Variants in MAST3 observed in about 807,000 individuals in gnomAD.
MAST3 encodes microtubule associated serine/threonine kinase 3.
MAST3 carries 43 observed loss-of-function variants against 127.0 expected under a neutral mutation model. The ratio of observed to expected loss-of-function variants is 0.34; its 90% CI spans 0.27 to 0.44. MAST3 has a LOEUF of 0.44. Ranked by LOEUF, MAST3 falls within the 20% of genes least tolerant of loss-of-function variation. MAST3 has a pLI of 1.00. For synonymous variants in MAST3, 785 were observed against 809.2 expected (o/e 0.97, Z 0.51); for missense variants, 1,390 against 1,919.1 (o/e 0.72, Z 5.15).
chr19:18,130,429 T>G lies in MAST3; in HGVS notation c.1224-65T>G, dbSNP rs545358810. On this transcript the variant is annotated intron_variant, in intron 13 of 27. Transcript: ENST00000687212. ...AGGCAGGTTGGGATCTGGGCTCAAGTTGAGCTGTAGTGCCTGCTGGGGCCT... is the reference window on the plus strand; with the variant it reads ...AGGCAGGTTGGGATCTGGGCTCAAGGTGAGCTGTAGTGCCTGCTGGGGCCT... 4 of 1,436,338 alleles carry G rather than the reference T, an allele frequency of 2.8e-6. No individual in the cohort carries two copies. The East Asian group carries it at 7.4e-5, about 27-fold the overall frequency. The allele number at this position is 1,436,338 out of a possible 1,614,324, so 89.0% of individuals were successfully genotyped here.
intron 2 of MAST3, among the ~76,000 whole-genome samples, chr19:18,109,651 G>A (rs1435268409): frequency 6.6e-6 from 1 of 152,188 alleles, no homozygotes; most frequent in East Asian, 1.9e-4. Context: ...TGGGGGTGCA[G>A]GTACAGCTTG....
Position 18,121,876 on chromosome 19 carries a change from C to G in MAST3, c.274C>G (p.Arg92Gly). ...PTGSSPLDSP[R>G]NFSAASALNF... is the part of the protein sequence containing the mutation. ...AGGCAGCAGCCCCTTGGATAGTCCTCGGAATTTCTCGGCTGCCTCTGCCCT... is the reference window on the plus strand; with the variant it reads ...AGGCAGCAGCCCCTTGGATAGTCCTGGGAATTTCTCGGCTGCCTCTGCCCT... The change falls in exon 5 of 28, where the codon CGG (arginine) becomes GGG (glycine). Residue 92 changes from arginine to glycine, a missense_variant. Physicochemically the swap from Arg to Gly is moderately radical, Grantham distance 125 (BLOSUM62 -2). Coordinates refer to ENST00000687212, the MANE Select transcript of MAST3 (RefSeq NM_001393504.1). 6.2e-7 allele frequency: 1 copy of G among 1,614,014 alleles called. No individual in the cohort carries two copies. The highest frequency in any genetic ancestry group is 8.5e-7 in the Non-Finnish European group (1 of 1,179,892).
At chr19:18,120,606 A>G (rs550142341) in intron 3 of MAST3, among the ~76,000 whole-genome samples, 3 of 152,306 alleles carry the variant, frequency 2.0e-5, no homozygotes, top group Non-Finnish European at 2.9e-5. Flanking sequence ...GCACTATCTC[A>G]GCCCACTGCA....
At position 18,147,488 on chromosome 19, in the gene MAST3, G is replaced by A. The variant is rs755820936; in HGVS notation, c.3372G>A (p.Leu1124=). 3.1e-6 allele frequency: 5 copies of A among 1,613,044 alleles called. No individual in the cohort carries two copies. The highest frequency in any genetic ancestry group is 3.4e-6 in the Non-Finnish European group (4 of 1,179,580). ...AGATCTCCAAGCAGACCTCCGTGCTGCACACCAGCCGCAGCTTCTCCTCCG... is the reference window on the plus strand; with the variant it reads ...AGATCTCCAAGCAGACCTCCGTGCTACACACCAGCCGCAGCTTCTCCTCCG... The part of the protein sequence containing the change: ...FKKISKQTSV[L]HTSRSFSSGL... Residue 1124 remains leucine, a synonymous_variant, in exon 27 of 28, where the codon CTG becomes CTA. Transcript: ENST00000687212.
Position 18,112,117 on chromosome 19 carries a change from T to C in MAST3, c.161+1376T>C, listed in dbSNP as rs995610525. Among the ~76,000 whole-genome samples, 2 of 152,182 alleles carry C rather than the reference T, an allele frequency of 1.3e-5. No homozygotes were observed. The highest frequency in any genetic ancestry group is 1.5e-5 in the Non-Finnish European group (1 of 68,034). On this transcript the variant is annotated intron_variant, in intron 3 of 27. Coordinates refer to ENST00000687212, the MANE Select transcript of MAST3 (RefSeq NM_001393504.1). The surrounding 1 kb of genome is among the most constrained non-coding windows in gnomAD (Gnocchi z 4.1). ...CTAAAGAAAGATTGGCACCAGGCAG[T>C]GGGTACTGCATGTGCAAAGGTCCTG... is the stretch of plus-strand genomic sequence containing the variant.
At chr19:18,140,145 C>T (rs901729376) in intron 20 of MAST3, among the ~76,000 whole-genome samples, 16 of 152,088 alleles carry the variant, frequency 1.1e-4, no homozygotes, top group African/African-American at 3.1e-4. Context: ...AGGCAATTTC[C>T]GAGGCAGGCG....
rs1018617836 is a variant in MAST3 at position 18,147,369 on chromosome 19, C to T, written c.3327-74C>T. ...CCATCTGCCTCGGCCTCTGAAAGTG[C>T]TGGGATTACAGGTGTGAGCCACCAT... On this transcript the variant is annotated intron_variant, in intron 26 of 27. Transcript: ENST00000687212. The T allele has an allele frequency of 3.6e-6, 5 of 1,379,684 alleles. No homozygotes were observed. In the African/African-American group the frequency reaches 7.1e-5, roughly 20 times the overall value. The allele number at this position is 1,379,684 out of a possible 1,614,324, so 85.5% of individuals were successfully genotyped here. A position where few individuals can be genotyped will look rare whatever the true frequency, so the allele number is the denominator to read the frequency against.
intron 1 of MAST3, chr19:18,098,799 G>T (rs967117227): frequency 2.2e-5 from 10 of 456,530 alleles, no homozygotes; most frequent in Non-Finnish European, 4.0e-5. Context: ...TGGCTCTGGA[G>T]AGGCAGCGGA....
intron 1 of MAST3, among the ~76,000 whole-genome samples, chr19:18,102,743 G>A (rs764542820): frequency 5.3e-5 from 8 of 151,886 alleles, no homozygotes; most frequent in South Asian, 2.1e-4. Context: ...GCCTCCCAGC[G>A]TGCTGGGATT....
chr19:18,123,918 G>A (rs367784879), intron 8 of MAST3, 21 bp from the exon 9 acceptor site: 90 of 1,540,242 alleles, frequency 5.8e-5, no homozygotes, highest in Middle Eastern at 1.7e-4. Flanking sequence ...TGACCAGGTC[G>A]CCCCGTCTCG....
chr19:18,133,528 C>T (rs575591620), intron 15 of MAST3, among the ~76,000 whole-genome samples: 2 of 150,724 alleles, frequency 1.3e-5, no homozygotes, highest in African/African-American at 4.9e-5. Flanking sequence ...TACAGGCATG[C>T]GCCACCACTA....
At chr19:18,101,155 T>G (rs2037574642) in intron 1 of MAST3, among the ~76,000 whole-genome samples, 1 of 152,174 alleles carries the variant, frequency 6.6e-6, no homozygotes, top group Non-Finnish European at 1.5e-5. Flanking sequence ...ATCTCCTACT[T>G]GGACCTTTGC....
Position 18,123,173 on chromosome 19 carries a change from C to T in MAST3, c.400-44C>T, listed in dbSNP as rs777298042. The T allele has an allele frequency of 4.4e-6, 7 of 1,608,878 alleles. No individual in the cohort carries two copies. The African/African-American group carries it at 8.0e-5, about 18-fold the overall frequency. ...TGGTGCTGGGTTCCTGGCCACAGCA[C>T]TGACGGTGAACTCATGGCTCTGATC... On this transcript the variant is annotated intron_variant, in intron 6 of 27. Transcript: ENST00000687212.
intron 3 of MAST3, among the ~76,000 whole-genome samples, chr19:18,111,341 A>G (rs2038595384): frequency 1.3e-5 from 2 of 151,962 alleles, no homozygotes. Context: ...TGAGGGTTCT[A>G]CTGGCCAGTT....
At position 18,110,180 on chromosome 19, in the gene MAST3, C is replaced by G. The variant is rs539229668; in HGVS notation, c.72-472C>G. The G allele has an allele frequency of 4.4e-3, 4,308 of 985,450 alleles. 10 individuals carry two copies. Among genetic ancestry groups the G allele is most frequent in the Non-Finnish European group, 4.9e-3 (4,057 of 829,954 alleles). 61.0% of individuals were successfully genotyped at this position (985,450 alleles called of 1,614,324 possible). ...GCCCCCAGCGGCCCAGCCCCCGCGTCTAGTCTGCCGCACCAGCCAGGCGTC... is the reference window on the plus strand; with the variant it reads ...GCCCCCAGCGGCCCAGCCCCCGCGTGTAGTCTGCCGCACCAGCCAGGCGTC... On this transcript the variant is annotated intron_variant, in intron 2 of 27. Coordinates refer to ENST00000687212, the MANE Select transcript of MAST3 (RefSeq NM_001393504.1). The surrounding 1 kb of genome is among the most constrained non-coding windows in gnomAD (Gnocchi z 4.3).
chr19:18,107,512 T>G, intron 1 of MAST3, 75 bp from the exon 2 acceptor site: 1 of 1,400,584 alleles, frequency 7.1e-7, no homozygotes, highest in Non-Finnish European at 1.0e-6. Flanking sequence ...TTGGGGATTG[T>G]GGGGGTGCAT....
Position 18,111,902 on chromosome 19 carries a change from C to T in MAST3, c.161+1161C>T, listed in dbSNP as rs148098274. Reference sequence around the variant, plus strand: ...CAACAGGGAGGTACCTTCCTTCAGACGCCAAGCACTTATGAGGCACCTACT... The same window carrying T: ...CAACAGGGAGGTACCTTCCTTCAGATGCCAAGCACTTATGAGGCACCTACT... On this transcript the variant is annotated intron_variant, in intron 3 of 27. Coordinates refer to ENST00000687212, the MANE Select transcript of MAST3 (RefSeq NM_001393504.1). 8.5e-5 allele frequency among the ~76,000 whole-genome samples: 13 copies of T among 152,308 alleles called. No individual in the cohort carries two copies. The East Asian group carries it at 1.3e-3, about 16-fold the overall frequency.
rs879533143 is a variant in MAST3 at position 18,133,098 on chromosome 19, TA to T, written c.1571+1065del. ...TGGGCGACAGAGCGAGACTCCATCT[TA>T]AAAAAAAAAAAAAGCGCCTCGCATG... On this transcript the variant is annotated intron_variant, in intron 15 of 27. Coordinates refer to ENST00000687212, the MANE Select transcript of MAST3 (RefSeq NM_001393504.1). Among the ~76,000 whole-genome samples, 807 of 136,522 alleles carry T rather than the reference TA, an allele frequency of 5.9e-3. 3 individuals are homozygous for T. The highest frequency in any genetic ancestry group is 8.6e-3 in the East Asian group (37 of 4,280). 89.6% of individuals were successfully genotyped at this position (136,522 alleles called of 152,430 possible).
At chr19:18,146,832 TG>T (rs1391190320) in intron 25 of MAST3, 48 bp from the exon 26 acceptor site, 2 of 1,507,352 alleles carry the variant, frequency 1.3e-6, no homozygotes, top group Non-Finnish European at 1.8e-6. Context: ...TGGCAAGTGC[TG>T]GGCCCTGTGA....
Sources: allele counts gnomAD v4.1 joint callset (sites outside exome capture counted in the v4.1 genomes callset), GRCh38; gene constraint gnomAD v4.1.1; non-coding constraint Gnocchi (gnomAD v3.1); transcripts MANE v1.5; gene names NCBI Gene and HGNC (gene_info 2026-07-23, HGNC 2026-07-21).